ZNF782: variants seen among roughly 807,000 people sequenced by gnomAD.
ZNF782 encodes the protein zinc finger protein 782.
ZNF782 carries 12 observed loss-of-function variants against 13.0 expected under a neutral mutation model. The observed-to-expected ratio is 0.92, with a 90% CI of 0.59 to 1.50. The LOEUF is 1.50. ZNF782 is among the 40% of genes most tolerant of loss of function. The probability of loss-of-function intolerance (pLI) is 0.00; values close to 1 mark genes in which losing one functional copy is unlikely to be tolerated. For synonymous variants in ZNF782, 284 were observed against 283.0 expected (o/e 1.00, Z -0.04); for missense variants, 770 against 822.9 (o/e 0.94, Z 0.79).
At chr9:96,858,871 C>T (rs1177041869), upstream of ZNF782, among the ~76,000 whole-genome samples, 3 of 152,122 alleles carry the variant, frequency 2.0e-5, no homozygotes, top group Non-Finnish European at 2.9e-5. The surrounding 1 kb of genome is among the most constrained non-coding windows in gnomAD (Gnocchi z 4.4). Context: ...CCGTGCTTGG[C>T]GGAGGGAGAG....
chr9:96,860,772 C>T (rs906637080), intron 2 of ZNF782, among the ~76,000 whole-genome samples: 2 of 152,114 alleles, frequency 1.3e-5, no homozygotes. Flanking sequence ...ATAGAAAACC[C>T]AGAAACCGAT....
At chr9:96,910,168 A>T in the ZNF782 span, 1 of 842,382 alleles carries the variant, frequency 1.2e-6, no homozygotes, top group Non-Finnish European at 2.0e-6. Context: ...AAAATGGAAG[A>T]GACGCCCCTG....
the ZNF782 span, among the ~76,000 whole-genome samples, chr9:96,926,688 C>A: frequency 0.035 from 5,280 of 151,664 alleles, 353 homozygotes; most frequent in East Asian, 0.33. Context: ...TGACTTTTTC[C>A]CACAACCCAG....
At chr9:96,858,677 G>C (rs553705854), upstream of ZNF782, among the ~76,000 whole-genome samples, 3 of 152,168 alleles carry the variant, frequency 2.0e-5, no homozygotes, top group African/African-American at 7.2e-5. The surrounding 1 kb of genome is among the most constrained non-coding windows in gnomAD (Gnocchi z 4.4). Flanking sequence ...GATCAAGATC[G>C]TGACAGGCAG....
At chr9:96,881,585 G>A in the ZNF782 span, among the ~76,000 whole-genome samples, 12 of 152,182 alleles carry the variant, frequency 7.9e-5, no homozygotes, top group Admixed American at 3.3e-4. Flanking sequence ...TAATTTTTGT[G>A]TATGATATGG....
intron 3 of ZNF782, among the ~76,000 whole-genome samples, chr9:96,845,544 A>G (rs980975996): frequency 2.0e-5 from 3 of 152,260 alleles, no homozygotes; most frequent in African/African-American, 7.2e-5. Flanking sequence ...GGCGTGGGCC[A>G]TAGTGCCCAG....
At chr9:96,917,414 A>G in the ZNF782 span, among the ~76,000 whole-genome samples, 1 of 151,898 alleles carries the variant, frequency 6.6e-6, no homozygotes. Context: ...CTGATTCTAA[A>G]TCATGGAAAT....
the ZNF782 span, among the ~76,000 whole-genome samples, chr9:96,926,801 G>A: frequency 6.6e-6 from 1 of 152,184 alleles, no homozygotes. Flanking sequence ...GAGTCCAAAT[G>A]TCTTCGAAAG....
the ZNF782 span, among the ~76,000 whole-genome samples, chr9:96,921,650 CAGGAGTTTGA>C: frequency 6.7e-6 from 1 of 150,252 alleles, no homozygotes; most frequent in African/African-American, 2.4e-5. Flanking sequence ...CACTTGAGGT[CAGGAGTTTGA>C]GACCAGCCTT....
chr9:96,837,279 G>A (rs896490171), intron 4 of ZNF782, among the ~76,000 whole-genome samples: 2 of 152,038 alleles, frequency 1.3e-5, no homozygotes, highest in African/African-American at 2.4e-5. Flanking sequence ...ATTCAGTTTT[G>A]GTAGATTATG....
chr9:96,836,329 C>T (rs149975945), intron 4 of ZNF782, among the ~76,000 whole-genome samples: 10,872 of 151,978 alleles, frequency 0.072, 516 homozygotes, highest in Non-Finnish European at 0.11. Context: ...TCTCCTGCCT[C>T]AGCCTCCCGC....
intron 3 of ZNF782, among the ~76,000 whole-genome samples, chr9:96,851,664 A>G (rs963262523): frequency 5.9e-5 from 9 of 152,204 alleles, no homozygotes; most frequent in African/African-American, 1.2e-4. Context: ...ATTATTCACA[A>G]TATTTACAGA....
chr9:96,842,426 T>C (rs1171447202), intron 4 of ZNF782, among the ~76,000 whole-genome samples: 2 of 151,994 alleles, frequency 1.3e-5, no homozygotes, highest in Non-Finnish European at 2.9e-5. Context: ...AATAGTCTCA[T>C]ACAAGTACAG....
the ZNF782 span, among the ~76,000 whole-genome samples, chr9:96,914,411 C>T: frequency 2.1e-4 from 32 of 151,880 alleles, no homozygotes; most frequent in Admixed American, 6.6e-4. Flanking sequence ...TGAGCCACCG[C>T]GCCCGGCCCA....
Position 96,818,552 on chromosome 9 carries a change from A to C in ZNF782, c.1471T>G (p.Ser491Ala), listed in dbSNP as rs75989782. 7.7e-3 allele frequency: 12,447 copies of C among 1,613,952 alleles called. 396 individuals are homozygous for C. The East Asian group carries it at 0.096, about 12-fold the overall frequency. ...GTTCTTCGGTGATTCCTTAGGCCTG[A>C]CATATGGCTGAAAGATTTCCCGCAT... is the stretch of plus-strand genomic sequence containing the variant. ...NECGKSFSHM[S>A]GLRNHRRTHT... Residue 491 changes from serine to alanine, a missense_variant, in exon 6 of 6, where the codon TCA (serine) becomes GCA (alanine). Transcript: ENST00000481138.
chr9:96,866,964 AG>A (rs1393491750), intron 1 of ZNF782, among the ~76,000 whole-genome samples: 2 of 152,218 alleles, frequency 1.3e-5, no homozygotes, highest in Non-Finnish European at 2.9e-5. Flanking sequence ...CATTGTATCT[AG>A]GAAGTAACTA....
chr9:96,840,757 G>A (rs1256508057), intron 4 of ZNF782, among the ~76,000 whole-genome samples: 1 of 152,080 alleles, frequency 6.6e-6, no homozygotes, highest in African/African-American at 2.4e-5. Context: ...GCATGTTGCA[G>A]CTAAAGCAGT....
chr9:96,861,596 G>A (rs538977261), exon 2 of ZNF782: 3 of 154,104 alleles, frequency 1.9e-5, no homozygotes, highest in Non-Finnish European at 4.4e-5. Context: ...GAGTGACAAA[G>A]TGAGATCCTG....
At chr9:96,823,540 GT>G (rs1000541326) in intron 5 of ZNF782, among the ~76,000 whole-genome samples, 1 of 152,040 alleles carries the variant, frequency 6.6e-6, no homozygotes, top group Admixed American at 6.6e-5. Flanking sequence ...TCTCTTCTCT[GT>G]TTTTTGACCT....
Sources: gnomAD v4.1 joint callset for allele counts (sites outside exome capture counted in the v4.1 genomes callset) on GRCh38, gnomAD v4.1.1 for gene constraint, Gnocchi (gnomAD v3.1) non-coding constraint, MANE v1.5 for transcripts, NCBI Gene and HGNC (gene_info 2026-07-23, HGNC 2026-07-21) for gene names.